The following RARB variants were observed in gnomAD, a reference collection of about 807,000 sequenced individuals.
The protein encoded by RARB is retinoic acid receptor beta.
RARB carries 17 observed loss-of-function variants against 51.9 expected under a neutral mutation model. The ratio of observed to expected loss-of-function variants is 0.33; its 90% CI spans 0.22 to 0.49. RARB has a LOEUF of 0.49. Ranked by LOEUF, RARB falls within the 20% of genes least tolerant of loss-of-function variation. The pLI is 0.99. For missense variants in RARB, 369 were observed against 550.8 expected (o/e 0.67, Z 3.30); for synonymous variants, 215 against 195.4 (o/e 1.10, Z -0.84).
chr3:25,271,259 G>A (rs890310831), intron 5 of RARB, among the ~76,000 whole-genome samples: 1 of 152,182 alleles, frequency 6.6e-6, no homozygotes, highest in African/African-American at 2.4e-5. Flanking sequence ...AAGATGGGGT[G>A]GCTGCAGGCT....
chr3:25,289,086 A>G (rs1415643496), intron 5 of RARB, among the ~76,000 whole-genome samples: 2 of 152,234 alleles, frequency 1.3e-5, no homozygotes, highest in Non-Finnish European at 2.9e-5. Context: ...CCAGCAGAGA[A>G]GCCTTTTCAG....
chr3:25,286,050 C>T (rs1575284125), intron 5 of RARB, among the ~76,000 whole-genome samples: 3 of 151,918 alleles, frequency 2.0e-5, no homozygotes. Flanking sequence ...GCCACCCACC[C>T]CCATTCAATT....
chr3:25,531,920 C>G (rs1698942930), intron 3 of RARB, among the ~76,000 whole-genome samples: 1 of 125,008 alleles, frequency 8.0e-6, no homozygotes, highest in African/African-American at 3.2e-5. Context: ...ATCTTTCCAC[C>G]AGAAAATGTA....
intron 3 of RARB, among the ~76,000 whole-genome samples, chr3:25,534,474 G>T (rs1167823445): frequency 6.6e-6 from 1 of 152,052 alleles, no homozygotes; most frequent in Non-Finnish European, 1.5e-5. Flanking sequence ...AAAGGTCACT[G>T]CTCACAAGCC....
At chr3:25,482,074 T>C (rs188578678) in intron 2 of RARB, among the ~76,000 whole-genome samples, 1 of 152,310 alleles carries the variant, frequency 6.6e-6, no homozygotes, top group East Asian at 1.9e-4. Context: ...ACCACTAGAC[T>C]ACCTCTGCAA....
chr3:25,234,729 C>T (rs1702263728), intron 5 of RARB, among the ~76,000 whole-genome samples: 1 of 152,004 alleles, frequency 6.6e-6, no homozygotes, highest in East Asian at 1.9e-4. Flanking sequence ...CCCTTAAACT[C>T]TTGTACATTT....
intron 2 of RARB, among the ~76,000 whole-genome samples, chr3:24,894,873 A>G (rs1486983785): frequency 1.3e-5 from 2 of 152,168 alleles, no homozygotes; most frequent in African/African-American, 4.8e-5. Flanking sequence ...GGTAGAAGCT[A>G]TAGGGGAGGT....
intron 5 of RARB, among the ~76,000 whole-genome samples, chr3:25,182,568 C>T (rs371782042): frequency 9.9e-5 from 15 of 152,128 alleles, no homozygotes; most frequent in East Asian, 9.6e-4. Flanking sequence ...ATATATTTAA[C>T]ACATAAGGGT....
At chr3:25,552,044 C>A (rs1331334104) in intron 3 of RARB, among the ~76,000 whole-genome samples, 1 of 152,096 alleles carries the variant, frequency 6.6e-6, no homozygotes, top group African/African-American at 2.4e-5. Context: ...ACTGAGCTGG[C>A]CCTTTTTTTA....
chr3:25,164,432 A>C (rs1007921163), intron 4 of RARB, among the ~76,000 whole-genome samples: 1 of 150,682 alleles, frequency 6.6e-6, no homozygotes, highest in Non-Finnish European at 1.5e-5. Flanking sequence ...TTCTGTGGCA[A>C]CTCTGACAGT....
intron 2 of RARB, among the ~76,000 whole-genome samples, chr3:24,950,764 A>G (rs946032087): frequency 1.3e-5 from 2 of 152,196 alleles, no homozygotes; most frequent in Non-Finnish European, 2.9e-5. Context: ...TATCATATAA[A>G]TATTATATAA....
intron 2 of RARB, among the ~76,000 whole-genome samples, chr3:24,892,233 AAAG>A (rs1313698419): frequency 6.6e-6 from 1 of 151,814 alleles, no homozygotes; most frequent in Admixed American, 6.6e-5. Flanking sequence ...AAAAAAAAAA[AAAG>A]GGATGTAGGT....
intron 5 of RARB, among the ~76,000 whole-genome samples, chr3:25,340,259 C>T (rs1705190499): frequency 6.6e-6 from 1 of 152,080 alleles, no homozygotes. Flanking sequence ...TCTATACTTA[C>T]CTCATCATGT....
intron 5 of RARB, among the ~76,000 whole-genome samples, chr3:25,419,427 A>G (rs1330989600): frequency 1.3e-5 from 2 of 152,176 alleles, no homozygotes; most frequent in Non-Finnish European, 2.9e-5. Context: ...GGATTCTGCA[A>G]AGTTAGACAG....
chr3:25,201,051 A>T (rs990000179), intron 5 of RARB, among the ~76,000 whole-genome samples: 1 of 152,138 alleles, frequency 6.6e-6, no homozygotes, highest in African/African-American at 2.4e-5. Context: ...CATTTTCACG[A>T]TATTGATTCT....
At chr3:25,122,739 G>A (rs1323071055) in intron 3 of RARB, among the ~76,000 whole-genome samples, 1 of 152,214 alleles carries the variant, frequency 6.6e-6, no homozygotes, top group East Asian at 1.9e-4. Flanking sequence ...GACCAGGCAT[G>A]TACAGAAGAC....
At chr3:25,260,674 T>A (rs1348233358) in intron 5 of RARB, among the ~76,000 whole-genome samples, 2 of 152,112 alleles carry the variant, frequency 1.3e-5, no homozygotes, top group African/African-American at 4.8e-5. Flanking sequence ...AGTGCTCAGA[T>A]GAGAGATGTC....
intron 1 of RARB, among the ~76,000 whole-genome samples, chr3:25,456,554 A>ATTTTTTTTTTTT (rs35056259): frequency 2.3e-5 from 1 of 44,122 alleles, no homozygotes; most frequent in African/African-American, 9.9e-5. Flanking sequence ...TATACCACTG[A>ATTTTTTTTTTTT]TTTTTTTTTT....
upstream of RARB, among the ~76,000 whole-genome samples, chr3:25,423,649 C>T (rs938879543): frequency 5.9e-5 from 9 of 152,000 alleles, no homozygotes; most frequent in Non-Finnish European, 1.3e-4. Flanking sequence ...TTGGACAAGA[C>T]TTTGAATTTT....
Sources: allele counts gnomAD v4.1 joint callset (sites outside exome capture counted in the v4.1 genomes callset), GRCh38; gene constraint gnomAD v4.1.1; transcripts MANE v1.5; gene names NCBI Gene and HGNC (gene_info 2026-07-23, HGNC 2026-07-21).